The following FBXW8 variants were observed in gnomAD, a reference collection of about 807,000 sequenced individuals.
FBXW8 encodes the protein F-box and WD repeat domain containing 8, also known as F-box/WD repeat-containing protein 8.
Under a neutral mutation model 65.3 loss-of-function variants are expected in FBXW8, and 57 were observed. That is an observed-to-expected ratio of 0.87 (90% confidence interval 0.71 to 1.09). The LOEUF (loss-of-function observed/expected upper bound fraction) is 1.09. Among genes scored for constraint, FBXW8 ranks in the 50% least tolerant of loss-of-function variants. The pLI, the probability that FBXW8 is intolerant of heterozygous loss-of-function variation, is 0.00. For synonymous variants in FBXW8, 308 were observed against 330.2 expected, an observed-to-expected ratio of 0.93 and a Z score of 0.73; for missense variants, 777 against 814.8, an observed-to-expected ratio of 0.95 and a Z score of 0.57.
intron 6 of FBXW8, among the ~76,000 whole-genome samples, chr12:116,988,161 TA>T (rs1953143202): frequency 6.6e-6 from 1 of 152,254 alleles, no homozygotes; most frequent in Non-Finnish European, 1.5e-5. Context: ...AGTTCATGAA[TA>T]ACCTTGTACA....
At chr12:116,968,870 CTGT>C (rs1366951093) in intron 5 of FBXW8, among the ~76,000 whole-genome samples, 1 of 151,878 alleles carries the variant, frequency 6.6e-6, no homozygotes, top group Non-Finnish European at 1.5e-5. Context: ...TCTTCTGTTA[CTGT>C]TATGGCTTAT....
chr12:116,911,671 C>T (rs1157205237), intron 1 of FBXW8, among the ~76,000 whole-genome samples: 3 of 151,998 alleles, frequency 2.0e-5, no homozygotes, highest in Non-Finnish European at 4.4e-5. Flanking sequence ...CTACAGTGTA[C>T]AGGACACCAC....
At chr12:116,930,947 A>G (rs1881721231) in intron 2 of FBXW8, among the ~76,000 whole-genome samples, 1 of 152,206 alleles carries the variant, frequency 6.6e-6, no homozygotes, top group Admixed American at 6.5e-5. Context: ...AGCTGGGACT[A>G]TAGGCTCACG....
chr12:116,929,305 G>A (rs1268854506), intron 2 of FBXW8, among the ~76,000 whole-genome samples: 1 of 152,192 alleles, frequency 6.6e-6, no homozygotes, highest in East Asian at 1.9e-4. Flanking sequence ...CGCGATCTCG[G>A]CTTCCTGCAA....
intron 2 of FBXW8, among the ~76,000 whole-genome samples, chr12:116,943,456 A>C (rs1279646827): frequency 6.6e-6 from 1 of 152,168 alleles, no homozygotes; most frequent in Non-Finnish European, 1.5e-5. Context: ...CACCTCCTGA[A>C]GTCTCTGCTT....
intron 5 of FBXW8, among the ~76,000 whole-genome samples, chr12:116,971,568 A>G (rs975366156): frequency 6.6e-6 from 1 of 152,140 alleles, no homozygotes; most frequent in African/African-American, 2.4e-5. Context: ...CCTCAGTGAC[A>G]GGAGCTTGAA....
At chr12:116,988,591 T>C in intron 6 of FBXW8, 72 bp from the exon 7 acceptor site, 2 of 1,319,052 alleles carry the variant, frequency 1.5e-6, no homozygotes, top group Non-Finnish European at 2.2e-6. Context: ...CATTGATGTG[T>C]AGGTGGAATT....
intron 5 of FBXW8, among the ~76,000 whole-genome samples, chr12:116,984,676 C>T (rs1423016572): frequency 6.6e-6 from 1 of 152,168 alleles, no homozygotes; most frequent in African/African-American, 2.4e-5. Context: ...CAAAACTTTG[C>T]TTCATGCACA....
intron 2 of FBXW8, among the ~76,000 whole-genome samples, chr12:116,931,128 T>C (rs1242517405): frequency 6.6e-6 from 1 of 152,216 alleles, no homozygotes; most frequent in Non-Finnish European, 1.5e-5. Flanking sequence ...CACAACACCA[T>C]TTATTGGAGA....
At chr12:116,950,435 T>C (rs1473903286) in intron 4 of FBXW8, 1 of 152,236 alleles carries the variant, frequency 6.6e-6, no homozygotes, top group Non-Finnish European at 1.5e-5. Flanking sequence ...GGATCAGCTA[T>C]GGAGTGAGAC....
At chr12:117,020,041 C>T (rs1343758861) in intron 8 of FBXW8, among the ~76,000 whole-genome samples, 1 of 152,182 alleles carries the variant, frequency 6.6e-6, no homozygotes, top group South Asian at 2.1e-4. Context: ...CTCTGGGGGC[C>T]GCCCACACAC....
rs76019328 is a variant in FBXW8, at chr12:116,991,385, C to T, written c.1239+2516C>T. Among the ~76,000 whole-genome samples, 13 of 152,344 alleles carry T rather than the reference C, an allele frequency of 8.5e-5. No individual in the cohort carries two copies. The East Asian group carries it at 2.5e-3, about 29-fold the overall frequency. On this transcript the variant is annotated intron_variant, in intron 7 of 10. Transcript: ENST00000652555. ...TTTAAGAAACGTAATTGTCATATAA[C>T]AGCTCTGTGTGAATTAAGTCATGTC...
chr12:117,001,123 A>G (rs933838011), intron 7 of FBXW8, among the ~76,000 whole-genome samples: 4 of 152,218 alleles, frequency 2.6e-5, no homozygotes, highest in Non-Finnish European at 5.9e-5. Flanking sequence ...GGGTATTACA[A>G]AGAGCTCATA....
At chr12:117,027,616 G>T (rs989317022) in intron 10 of FBXW8, 112 bp downstream of exon 10, 7 of 843,392 alleles carry the variant, frequency 8.3e-6, no homozygotes, top group African/African-American at 1.7e-5. Context: ...CTCAGGCAGG[G>T]CCCTGCCTTT....
chr12:116,991,009 A>G (rs1262545936), intron 7 of FBXW8, among the ~76,000 whole-genome samples: 1 of 152,198 alleles, frequency 6.6e-6, no homozygotes, highest in Non-Finnish European at 1.5e-5. Context: ...AAAAAAGTAT[A>G]GTCCTGTAAG....
intron 6 of FBXW8, among the ~76,000 whole-genome samples, chr12:116,987,610 A>G (rs1187347520): frequency 6.6e-6 from 1 of 152,020 alleles, no homozygotes; most frequent in Non-Finnish European, 1.5e-5. Context: ...GATATTTTTA[A>G]CCTTTTGGCC....
chr12:116,967,774 T>G (rs572080846), intron 5 of FBXW8, among the ~76,000 whole-genome samples: 322 of 152,306 alleles, frequency 2.1e-3, no homozygotes, highest in Admixed American at 4.5e-3. Context: ...TTATTCTTTT[T>G]TGTTTGTTTT....
intron 7 of FBXW8, among the ~76,000 whole-genome samples, chr12:117,004,561 T>C (rs373213609): frequency 2.2e-4 from 34 of 152,346 alleles, no homozygotes; most frequent in African/African-American, 8.2e-4. Flanking sequence ...TTGCAGGTGG[T>C]GTAAACTCAA....
At chr12:116,965,733 T>C (rs926608195) in intron 5 of FBXW8, among the ~76,000 whole-genome samples, 4 of 152,156 alleles carry the variant, frequency 2.6e-5, no homozygotes, top group Admixed American at 1.3e-4. Flanking sequence ...TGTTTAAAAA[T>C]AAAAATTAGG....
Sources: gnomAD v4.1 joint callset for allele counts (sites outside exome capture counted in the v4.1 genomes callset) on GRCh38, gnomAD v4.1.1 for gene constraint, MANE v1.5 for transcripts, NCBI Gene and HGNC (gene_info 2026-07-23, HGNC 2026-07-21) for gene names.